The following CNNM4 variants were observed in gnomAD, a reference collection of about 807,000 sequenced individuals.
CNNM4 encodes the protein cyclin and CBS domain divalent metal cation transport mediator 4.
Under a neutral mutation model 53.7 loss-of-function variants are expected in CNNM4, and 32 were observed. The observed-to-expected ratio is 0.60, with a 90% CI of 0.45 to 0.80. CNNM4 has a LOEUF of 0.80. Ranked by LOEUF, CNNM4 falls within the 30% of genes least tolerant of loss-of-function variation. The pLI is 0.00. For missense variants in CNNM4, 784 were observed against 1,022.0 expected (o/e 0.77, Z 3.17); for synonymous variants, 410 against 440.0 (o/e 0.93, Z 0.85).
intron 1 of CNNM4, among the ~76,000 whole-genome samples, chr2:96,764,995 AAG>A (rs1301931242): frequency 7.5e-5 from 11 of 145,934 alleles, no homozygotes; most frequent in South Asian, 2.1e-4. Context: ...TCAAAAAAAA[AAG>A]AGTTTAGGAG....
chr2:96,765,824 C>T (rs1343604367), intron 1 of CNNM4, among the ~76,000 whole-genome samples: 5 of 142,490 alleles, frequency 3.5e-5, no homozygotes, highest in Non-Finnish European at 6.1e-5. Context: ...GACGGAGTTT[C>T]GCTCTCATTG....
chr2:96,791,491 G>C (rs1183720707), intron 1 of CNNM4, among the ~76,000 whole-genome samples: 1 of 151,752 alleles, frequency 6.6e-6, no homozygotes, highest in African/African-American at 2.4e-5. Context: ...AAATTAGCTG[G>C]GTGTGGTGGC....
At chr2:96,796,665 G>A (rs2079107194) in intron 1 of CNNM4, among the ~76,000 whole-genome samples, 1 of 152,092 alleles carries the variant, frequency 6.6e-6, no homozygotes, top group Admixed American at 6.6e-5. Flanking sequence ...GGAGGCTGAG[G>A]TGGGAGGATC....
At chr2:96,799,712 G>A (rs1311948025) in intron 5 of CNNM4, 64 bp downstream of exon 5, 14 of 1,321,204 alleles carry the variant, frequency 1.1e-5, no homozygotes, top group South Asian at 2.5e-5. Context: ...GCCATGGACC[G>A]ACACCAGAAC....
intron 1 of CNNM4, among the ~76,000 whole-genome samples, chr2:96,792,823 C>T (rs938343397): frequency 6.6e-6 from 1 of 151,734 alleles, no homozygotes; most frequent in Non-Finnish European, 1.5e-5. Flanking sequence ...GAGAGGAGGT[C>T]AGGCTCACCG....
At chr2:96,771,890 G>A (rs996779502) in intron 1 of CNNM4, among the ~76,000 whole-genome samples, 1 of 152,188 alleles carries the variant, frequency 6.6e-6, no homozygotes, top group African/African-American at 2.4e-5. Context: ...GCGCCTCTGC[G>A]GGAAGGTGAG....
At chr2:96,784,316 C>G (rs545598057) in intron 1 of CNNM4, among the ~76,000 whole-genome samples, 1 of 152,028 alleles carries the variant, frequency 6.6e-6, no homozygotes, top group Non-Finnish European at 1.5e-5. Context: ...TATTGAAATA[C>G]TAAATATTTT....
At chr2:96,795,750 C>A (rs993737275) in intron 1 of CNNM4, among the ~76,000 whole-genome samples, 1 of 152,108 alleles carries the variant, frequency 6.6e-6, no homozygotes, top group Non-Finnish European at 1.5e-5. Context: ...CCCAGATTTC[C>A]GGGGGCCTTT....
chr2:96,773,015 C>T (rs2078893498), intron 1 of CNNM4, among the ~76,000 whole-genome samples: 1 of 152,200 alleles, frequency 6.6e-6, no homozygotes, highest in African/African-American at 2.4e-5. Context: ...GGGCCACTCA[C>T]ACATGTTCAC....
chr2:96,772,434 G>GCACACA (rs1558982307), intron 1 of CNNM4, among the ~76,000 whole-genome samples: 16 of 101,310 alleles, frequency 1.6e-4, no homozygotes, highest in East Asian at 6.5e-4. Flanking sequence ...ACACACATGC[G>GCACACA]CACACACACT....
At chr2:96,788,252 C>CTT (rs753661420) in intron 1 of CNNM4, among the ~76,000 whole-genome samples, 39 of 140,076 alleles carry the variant, frequency 2.8e-4, no homozygotes, top group Admixed American at 4.3e-4. Context: ...TCGCTGTAAT[C>CTT]TTTTTTTTTT....
intron 1 of CNNM4, among the ~76,000 whole-genome samples, chr2:96,776,597 A>C (rs2078926454): frequency 6.6e-6 from 1 of 152,100 alleles, no homozygotes; most frequent in Non-Finnish European, 1.5e-5. Context: ...TGTACCCATT[A>C]ATAAACCTCT....
In CNNM4 at chr2:96,761,288, G is replaced by A. The variant is rs373380795; in HGVS notation, c.289G>A (p.Asp97Asn). ...CAACCTGATCTCCTTCACCGAGGTG[G>A]ACGATGCCGAGACCCTCCACAAGTC... ...SSNLISFTEV[D>N]DAETLHKSTS... Residue 97 changes from aspartate (D) to asparagine (N), a missense_variant, in exon 1 of 7, where the codon GAC becomes AAC. By Grantham distance (23) the Asp-to-Asn change is conservative (BLOSUM62 1). Coordinates refer to ENST00000377075, the MANE Select transcript of CNNM4 (RefSeq NM_020184.4). This position sits in a 1 kb window ranked among gnomAD's most constrained non-coding sequence, Gnocchi z 6.0. 6.2e-7 allele frequency: 1 copy of A among 1,614,042 alleles called. No individual in the cohort carries two copies. The highest frequency in any genetic ancestry group is 8.5e-7 in the Non-Finnish European group (1 of 1,180,028).
rs1352654894 is a variant in CNNM4, at chr2:96,788,285, C to T, written c.1403-8727C>T. 2.0e-5 allele frequency among the ~76,000 whole-genome samples: 3 copies of T among 149,732 alleles called. No individual in the cohort carries two copies. In the East Asian group the frequency reaches 5.9e-4, roughly 29 times the overall value. On this transcript the variant is annotated intron_variant, in intron 1 of 6. Coordinates refer to ENST00000377075, the MANE Select transcript of CNNM4 (RefSeq NM_020184.4). ...TTTTTTTTTTCTGGAGACAGGGTCTCACTCTGTCTCAGAGTCTAGCGAGTA... is the reference window on the plus strand; with the variant it reads ...TTTTTTTTTTCTGGAGACAGGGTCTTACTCTGTCTCAGAGTCTAGCGAGTA...
intron 1 of CNNM4, among the ~76,000 whole-genome samples, chr2:96,795,285 G>A (rs1168534043): frequency 6.6e-6 from 1 of 152,210 alleles, no homozygotes; most frequent in East Asian, 1.9e-4. Flanking sequence ...TCCCGGCCTG[G>A]CCCGCTGCCG....
chr2:96,793,043 G>C (rs2079075400), intron 1 of CNNM4, among the ~76,000 whole-genome samples: 1 of 152,136 alleles, frequency 6.6e-6, no homozygotes, highest in African/African-American at 2.4e-5. Flanking sequence ...AAAGTTGCTA[G>C]GCAAGGGACC....
At position 96,797,754 on chromosome 2, in the gene CNNM4, G is replaced by C; in HGVS notation, c.1681+107G>C. 1 of 1,473,486 alleles carries C rather than the reference G, an allele frequency of 6.8e-7. No individual in the cohort carries two copies. Among genetic ancestry groups the C allele is most frequent in the Non-Finnish European group, 9.2e-7 (1 of 1,082,152 alleles). 91.3% of individuals were successfully genotyped at this position (1,473,486 alleles called of 1,614,324 possible). Reference sequence around the variant, plus strand: ...ATAGGACGAGGGCTGCAGCAGGTGAGGGGTGCAGAGACAACACAGCCACCC... The same window carrying C: ...ATAGGACGAGGGCTGCAGCAGGTGACGGGTGCAGAGACAACACAGCCACCC... On this transcript the variant is annotated intron_variant, in intron 3 of 6. Transcript: ENST00000377075. The surrounding 1 kb of genome is among the most constrained non-coding windows in gnomAD (Gnocchi z 6.0).
At position 96,761,761 on chromosome 2, in the gene CNNM4, C is replaced by T. The variant is rs1483151394; in HGVS notation, c.762C>T (p.Asn254=). 1.9e-6 allele frequency: 3 copies of T among 1,611,766 alleles called. No individual in the cohort carries two copies. Among genetic ancestry groups the T allele is most frequent in the Admixed American group, 3.3e-5 (2 of 60,012 alleles). The change falls in exon 1 of 7, where the codon AAC becomes AAT. Residue 254 remains asparagine (N), a synonymous_variant. Transcript: ENST00000377075. This position sits in a 1 kb window ranked among gnomAD's most constrained non-coding sequence, Gnocchi z 6.0. ...CSLLLGNVLV[N]TSLTILLDNL... ...TGCTCCTAGGGAACGTGCTGGTCAA[C>T]ACCTCCCTCACAATCCTTCTAGACA...
At chr2:96,779,705 T>G (rs1289022326) in intron 1 of CNNM4, among the ~76,000 whole-genome samples, 2 of 152,142 alleles carry the variant, frequency 1.3e-5, no homozygotes, top group South Asian at 2.1e-4. Flanking sequence ...CTGGTAATGT[T>G]AAGCCTTTTG....
Sources: gnomAD v4.1 joint callset for allele counts (sites outside exome capture counted in the v4.1 genomes callset) on GRCh38, gnomAD v4.1.1 for gene constraint, Gnocchi (gnomAD v3.1) non-coding constraint, MANE v1.5 for transcripts, NCBI Gene and HGNC (gene_info 2026-07-23, HGNC 2026-07-21) for gene names.